The following PRMT9 variants were observed in gnomAD, a reference collection of about 807,000 sequenced individuals.
The protein encoded by PRMT9 is protein arginine methyltransferase 9.
Under a neutral mutation model 83.2 loss-of-function variants are expected in PRMT9, and 59 were observed. The observed-to-expected ratio is 0.71, with a 90% CI of 0.57 to 0.88. The LOEUF (loss-of-function observed/expected upper bound fraction) is 0.88. Among genes scored for constraint, PRMT9 ranks in the 40% least tolerant of loss-of-function variants. The probability of loss-of-function intolerance (pLI) is 0.00; values close to 1 mark genes in which losing one functional copy is unlikely to be tolerated. For missense variants in PRMT9, 947 were observed against 1,021.9 expected (o/e 0.93, Z 1.00); for synonymous variants, 333 against 353.2 (o/e 0.94, Z 0.64).
In PRMT9 at chr4:147,638,286, G is replaced by A. The variant is rs936522782; in HGVS notation, c.*246C>T. The A allele has an allele frequency of 1.7e-4, 82 of 495,144 alleles. No homozygotes were observed. The highest frequency in any genetic ancestry group is 3.4e-4 in the East Asian group (9 of 26,774). 30.7% of individuals were successfully genotyped at this position (495,144 alleles called of 1,614,324 possible). A position where few individuals can be genotyped will look rare whatever the true frequency, so the allele number is the denominator to read the frequency against. ...TTTAAAATCCCTATTCTGTAAAATC[G>A]AGCAAAAGAAGTTTCCTAATTTAAA... On this transcript the variant is annotated 3_prime_UTR_variant, in exon 12 of 12. Transcript: ENST00000322396.
At chr4:147,673,176 T>G in intron 3 of PRMT9, 50 bp from the exon 4 acceptor site, 2 of 1,566,096 alleles carry the variant, frequency 1.3e-6, no homozygotes, top group Non-Finnish European at 1.8e-6. Flanking sequence ...TACTGTATTT[T>G]CTCAAATTTT....
chr4:147,674,735 A>G (rs2126634016), intron 2 of PRMT9, among the ~76,000 whole-genome samples: 1 of 152,284 alleles, frequency 6.6e-6, no homozygotes, highest in South Asian at 2.1e-4. Context: ...ACCCAAACTG[A>G]TCTATATACT....
chr4:147,653,168 C>G (rs1384025200), intron 9 of PRMT9, among the ~76,000 whole-genome samples: 1 of 152,076 alleles, frequency 6.6e-6, no homozygotes, highest in Non-Finnish European at 1.5e-5. Flanking sequence ...TTGGTTTCAG[C>G]CGGGCATGGT....
At chr4:147,646,258 A>G (rs1038078303) in intron 9 of PRMT9, among the ~76,000 whole-genome samples, 1 of 152,232 alleles carries the variant, frequency 6.6e-6, no homozygotes, top group African/African-American at 2.4e-5. Context: ...TGATCCATTT[A>G]AGTGAAGATC....
At chr4:147,640,923 G>A (rs1345693000) in intron 10 of PRMT9, among the ~76,000 whole-genome samples, 3 of 151,974 alleles carry the variant, frequency 2.0e-5, no homozygotes, top group African/African-American at 7.3e-5. Flanking sequence ...TTGTTGCCCA[G>A]GCTGGTCTTG....
At chr4:147,647,609 G>A (rs1388594715) in intron 9 of PRMT9, among the ~76,000 whole-genome samples, 1 of 150,178 alleles carries the variant, frequency 6.7e-6, no homozygotes, top group Non-Finnish European at 1.5e-5. Flanking sequence ...TGCAACCTCT[G>A]CCTCCCAAGT....
chr4:147,661,174 A>T, intron 6 of PRMT9, 136 bp from the exon 7 acceptor site: 1 of 663,976 alleles, frequency 1.5e-6, no homozygotes, highest in Non-Finnish European at 2.7e-6. Context: ...AAACATAACT[A>T]CATAATACAC....
At chr4:147,642,737 G>T (rs758572434) in intron 10 of PRMT9, 50 bp downstream of exon 10, 10 of 1,486,920 alleles carry the variant, frequency 6.7e-6, no homozygotes, top group Non-Finnish European at 9.4e-6. Flanking sequence ...AGAGAGCGAT[G>T]GTAGACTGTT....
chr4:147,670,511 C>A, intron 5 of PRMT9, 130 bp downstream of exon 5: 2 of 741,572 alleles, frequency 2.7e-6, no homozygotes, highest in Non-Finnish European at 4.6e-6. Flanking sequence ...TTCTTTCCAA[C>A]CACACAGTAT....
intron 6 of PRMT9, among the ~76,000 whole-genome samples, chr4:147,661,943 T>C (rs1734992268): frequency 6.6e-6 from 1 of 152,182 alleles, no homozygotes; most frequent in African/African-American, 2.4e-5. Context: ...GACTACTTTG[T>C]AGTACCAATT....
At chr4:147,683,059 C>G (rs1736599162) in intron 1 of PRMT9, among the ~76,000 whole-genome samples, 1 of 152,162 alleles carries the variant, frequency 6.6e-6, no homozygotes, top group African/African-American at 2.4e-5. Flanking sequence ...AAAAGAACAG[C>G]ATTTCAACAG....
intron 9 of PRMT9, among the ~76,000 whole-genome samples, chr4:147,646,824 T>C (rs983610121): frequency 6.6e-6 from 1 of 152,120 alleles, no homozygotes; most frequent in Non-Finnish European, 1.5e-5. Flanking sequence ...CTGATGCCAA[T>C]TGTAGGTCCT....
In PRMT9 at chr4:147,659,592, TTC is replaced by T. The variant is rs200633743; in HGVS notation, c.1146+1252_1146+1253del. ...GCACTTTCTTTTCTTTTTTTTTTTTTTCTGAGACGGAGTTTCGCTCTTGTTGC... is the reference window on the plus strand; with the variant it reads ...GCACTTTCTTTTCTTTTTTTTTTTTTTGAGACGGAGTTTCGCTCTTGTTGC... On this transcript the variant is annotated intron_variant, in intron 7 of 11. Transcript: ENST00000322396. Among the ~76,000 whole-genome samples, 151 of 145,488 alleles carry T rather than the reference TTC, an allele frequency of 1.0e-3. 3 individuals carry two copies. The highest frequency in any genetic ancestry group is 1.8e-3 in the Non-Finnish European group (118 of 65,090).
chr4:147,655,103 A>G (rs1734395000), intron 8 of PRMT9, among the ~76,000 whole-genome samples: 1 of 152,244 alleles, frequency 6.6e-6, no homozygotes, highest in African/African-American at 2.4e-5. Flanking sequence ...TCAAAGTATA[A>G]GGAAGAACCA....
In PRMT9 at chr4:147,673,145, C is replaced by T; in HGVS notation, c.576-19G>A. On this transcript the variant is annotated intron_variant, in intron 3 of 11. Transcript: ENST00000322396. ...AAACATGCTACAAGGGAAAAAAGTT[C>T]TCCATCAAGAAAAAATAATCTACTG... 6.2e-7 allele frequency: 1 copy of T among 1,612,442 alleles called. No individual in the cohort carries two copies. The highest frequency in any genetic ancestry group is 1.7e-5 in the Admixed American group (1 of 59,968).
Position 147,638,534 on chromosome 4 carries a change from A to G in PRMT9, c.2536T>C (p.Ter846ArgextTer6). Residue 846 changes from the stop codon to arginine, a stop_lost, in exon 12 of 12, where the codon TGA becomes CGA. Coordinates refer to ENST00000322396, the MANE Select transcript of PRMT9 (RefSeq NM_138364.4). ...AGTTTTCATTGGAAAACTGCTCTTC[A>G]TTGCTTTACTGTGATGCTGACATTG... ...KSNVSITVKQ* is the reference protein window; with the variant it reads ...KSNVSITVKQR 6.2e-7 allele frequency: 1 copy of G among 1,612,838 alleles called. No individual in the cohort carries two copies. The highest frequency in any genetic ancestry group is 8.5e-7 in the Non-Finnish European group (1 of 1,179,006).
Position 147,673,630 on chromosome 4 carries a change from CT to C in PRMT9, c.575+7del, listed in dbSNP as rs1735875647. The C allele has an allele frequency of 6.5e-7, 1 of 1,540,872 alleles. No homozygotes were observed. The highest frequency in any genetic ancestry group is 1.4e-5 in the African/African-American group (1 of 73,450). On this transcript the variant is annotated splice_region_variant and intron_variant, in intron 3 of 11. Coordinates refer to ENST00000322396, the MANE Select transcript of PRMT9 (RefSeq NM_138364.4). ...TGTATATACCATTAAAATGCAATTA[CT>C]ACCAACCTTAGTATTCCAGTTCCTG...
intron 2 of PRMT9, among the ~76,000 whole-genome samples, chr4:147,674,271 CAA>C (rs765524949): frequency 1.7e-4 from 26 of 152,122 alleles, no homozygotes; most frequent in Non-Finnish European, 3.2e-4. Flanking sequence ...GAATAGTCAT[CAA>C]GAGTCAGTTG....
chr4:147,673,492 T>TA, intron 3 of PRMT9, 146 bp downstream of exon 3: 3 of 679,362 alleles, frequency 4.4e-6, no homozygotes, highest in African/African-American at 1.8e-5. Context: ...AAAGTTATAG[T>TA]AAAAAACATA....
Sources: allele counts gnomAD v4.1 joint callset (sites outside exome capture counted in the v4.1 genomes callset), GRCh38; gene constraint gnomAD v4.1.1; transcripts MANE v1.5; gene names NCBI Gene and HGNC (gene_info 2026-07-23, HGNC 2026-07-21).